The following RBFOX1 variants were observed in gnomAD, a reference collection of about 807,000 sequenced individuals.
The protein encoded by RBFOX1 is RNA binding fox-1 homolog 1.
RBFOX1 carries 8 observed loss-of-function variants against 57.7 expected under a neutral mutation model. That is an observed-to-expected ratio of 0.14 (90% CI 0.08 to 0.25). The LOEUF (loss-of-function observed/expected upper bound fraction) is 0.25, where lower values mean the gene tolerates loss of function less well. Among genes scored for constraint, RBFOX1 ranks in the 10% least tolerant of loss-of-function variants. The pLI is 1.00. For missense variants in RBFOX1, 611 were observed against 548.5 expected, an observed-to-expected ratio of 1.11 and a Z score of -1.14; for synonymous variants, 326 against 222.4, an observed-to-expected ratio of 1.47 and a Z score of -4.15.
At chr16:6,604,522 G>A (rs1243810557) in intron 2 of RBFOX1, among the ~76,000 whole-genome samples, 1 of 152,068 alleles carries the variant, frequency 6.6e-6, no homozygotes, top group Non-Finnish European at 1.5e-5. Flanking sequence ...TTAAATGATA[G>A]GAACTCTGGA....
At chr16:6,443,212 C>G (rs937615979) in intron 2 of RBFOX1, among the ~76,000 whole-genome samples, 4 of 152,156 alleles carry the variant, frequency 2.6e-5, no homozygotes, top group African/African-American at 9.7e-5. Flanking sequence ...TGAATCTTGG[C>G]CATCTCAAAG....
chr16:6,242,874 A>G (rs1398581766), intron 1 of RBFOX1, among the ~76,000 whole-genome samples: 2 of 152,140 alleles, frequency 1.3e-5, no homozygotes, highest in Non-Finnish European at 2.9e-5. Flanking sequence ...GTTTTTAACC[A>G]ATGTTAAAAC....
At chr16:6,866,636 G>C (rs1278239146) in intron 3 of RBFOX1, among the ~76,000 whole-genome samples, 23 of 137,826 alleles carry the variant, frequency 1.7e-4, no homozygotes, top group East Asian at 7.5e-4. Flanking sequence ...CCGCCTCCCC[G>C]GTTCACGCCA....
intron 1 of RBFOX1, among the ~76,000 whole-genome samples, chr16:6,140,504 T>C (rs1304272876): frequency 6.6e-6 from 1 of 152,124 alleles, no homozygotes; most frequent in African/African-American, 2.4e-5. Context: ...CCAGAAATGC[T>C]TCTACTTTCT....
At chr16:7,042,397 C>T (rs570390693) in intron 3 of RBFOX1, among the ~76,000 whole-genome samples, 2 of 152,092 alleles carry the variant, frequency 1.3e-5, no homozygotes, top group African/African-American at 4.8e-5. Flanking sequence ...ATGGTAATTC[C>T]CTCTTGAATA....
chr16:7,556,868 T>A (rs2088671256), intron 5 of RBFOX1, among the ~76,000 whole-genome samples: 1 of 152,208 alleles, frequency 6.6e-6, no homozygotes. Flanking sequence ...GTTATTGTTG[T>A]TTTCTGAAAC....
In RBFOX1 at chr16:6,739,962, A is replaced by G. The variant is rs2071559164; in HGVS notation, c.-16+85312A>G. Among the ~76,000 whole-genome samples the G allele has an allele frequency of 3.3e-5, 5 of 152,200 alleles. No individual in the cohort carries two copies. In the South Asian group the frequency reaches 1.0e-3, roughly 32 times the overall value. On this transcript the variant is annotated intron_variant, in intron 3 of 15. Coordinates refer to ENST00000550418, the MANE Select transcript of RBFOX1 (RefSeq NM_018723.4). ...ACAAAACTGGACAAAGAAAGTAACA[A>G]AAGAAACAAGAAAACTGCAAATCAA...
intron 2 of RBFOX1, among the ~76,000 whole-genome samples, chr16:6,431,814 C>T (rs2094095357): frequency 6.6e-6 from 1 of 152,056 alleles, no homozygotes; most frequent in Non-Finnish European, 1.5e-5. Context: ...TAAAATGGGG[C>T]TAACACTGGT....
intron 2 of RBFOX1, among the ~76,000 whole-genome samples, chr16:6,546,488 A>G (rs1345295): frequency 0.93 from 141,140 of 152,220 alleles, 65,886 homozygotes; most frequent in Non-Finnish European, 0.98. Flanking sequence ...CTCCTGGAGT[A>G]ATGGCACTCT....
chr16:6,090,737 A>G (rs79521682), intron 1 of RBFOX1, among the ~76,000 whole-genome samples: 2,026 of 152,334 alleles, frequency 0.013, 21 homozygotes, highest in Non-Finnish European at 0.021. Context: ...CCCTTAGTGC[A>G]GTAAACAAAT....
intron 2 of RBFOX1, among the ~76,000 whole-genome samples, chr16:6,565,261 C>CTT (rs71145253): frequency 2.0e-5 from 3 of 147,702 alleles, no homozygotes; most frequent in Non-Finnish European, 3.0e-5. Flanking sequence ...CTTTTCTTTT[C>CTT]TTTTTTTTTG....
At chr16:7,428,898 T>C (rs1432668080) in intron 4 of RBFOX1, among the ~76,000 whole-genome samples, 1 of 152,016 alleles carries the variant, frequency 6.6e-6, no homozygotes, top group South Asian at 2.1e-4. Context: ...TAGTAGTGAG[T>C]GACACTACTC....
At chr16:6,404,413 A>T (rs1188563740) in intron 2 of RBFOX1, among the ~76,000 whole-genome samples, 2 of 152,106 alleles carry the variant, frequency 1.3e-5, no homozygotes, top group African/African-American at 4.8e-5. Context: ...AGTATTTGTG[A>T]TGGTAGTCCA....
At chr16:7,088,465 C>A (rs1439435909) in intron 4 of RBFOX1, among the ~76,000 whole-genome samples, 2 of 152,014 alleles carry the variant, frequency 1.3e-5, no homozygotes, top group Non-Finnish European at 2.9e-5. Context: ...GTATATTTTA[C>A]AAGATTGGTC....
intron 3 of RBFOX1, among the ~76,000 whole-genome samples, chr16:7,010,221 G>T (rs563113051): frequency 6.6e-6 from 1 of 152,306 alleles, no homozygotes; most frequent in African/African-American, 2.4e-5. Context: ...AAGTCCTGAA[G>T]CTCAAATACA....
At chr16:7,474,304 A>C (rs555562976) in intron 4 of RBFOX1, among the ~76,000 whole-genome samples, 1 of 151,962 alleles carries the variant, frequency 6.6e-6, no homozygotes, top group Non-Finnish European at 1.5e-5. Context: ...ACAGAAAACA[A>C]ACAAACAAAA....
intron 3 of RBFOX1, among the ~76,000 whole-genome samples, chr16:5,788,884 C>G (rs1049160987): frequency 6.6e-6 from 1 of 152,048 alleles, no homozygotes; most frequent in African/African-American, 2.4e-5. Context: ...GTGAAAAGCC[C>G]CCATCCTGTT....
intron 3 of RBFOX1, among the ~76,000 whole-genome samples, chr16:6,857,587 C>G (rs373488652): frequency 6.6e-6 from 1 of 152,122 alleles, no homozygotes; most frequent in African/African-American, 2.4e-5. Context: ...ATTTAATCGC[C>G]GTAGCTCTTT....
chr16:5,754,251 C>A (rs2053319164), intron 3 of RBFOX1, among the ~76,000 whole-genome samples: 1 of 152,158 alleles, frequency 6.6e-6, no homozygotes, highest in Non-Finnish European at 1.5e-5. Flanking sequence ...ATGGTACCTT[C>A]CCTGTAAGCG....
Sources: gnomAD v4.1 joint callset for allele counts (sites outside exome capture counted in the v4.1 genomes callset) on GRCh38, gnomAD v4.1.1 for gene constraint, MANE v1.5 for transcripts, NCBI Gene and HGNC (gene_info 2026-07-23, HGNC 2026-07-21) for gene names.